The following LARS2 variants were observed in gnomAD, a reference collection of about 807,000 sequenced individuals.
The protein encoded by LARS2 is leucyl-tRNA synthetase 2, mitochondrial.
A neutral mutation model predicts 116.6 loss-of-function variants in LARS2; 81 were observed. The ratio of observed to expected loss-of-function variants is 0.69; its 90% CI spans 0.58 to 0.84. The LOEUF is 0.84. Ranked by LOEUF, LARS2 falls within the 40% of genes least tolerant of loss-of-function variation. The probability of loss-of-function intolerance (pLI) is 0.00; values close to 1 mark genes in which losing one functional copy is unlikely to be tolerated. For synonymous variants in LARS2, 396 were observed against 407.2 expected (o/e 0.97, Z 0.33); for missense variants, 968 against 1,114.5 (o/e 0.87, Z 1.87).
At chr3:45,454,603 A>G (rs748407645) in intron 7 of LARS2, among the ~76,000 whole-genome samples, 1 of 152,196 alleles carries the variant, frequency 6.6e-6, no homozygotes, top group African/African-American at 2.4e-5. Flanking sequence ...TTATTTTACA[A>G]ATAAGGCTAG....
rs111789943 is a variant in LARS2 at position 45,439,077 on chromosome 3, C to T, written c.517-7814C>T. On this transcript the variant is annotated intron_variant, in intron 6 of 21. Transcript: ENST00000645846. ...TCTAAGTGAGAAACTAGCCCTGTTC[C>T]CTACTTCCTCCTCCCTTGAAGCCCT... is the stretch of plus-strand genomic sequence containing the variant. 6.8e-3 allele frequency among the ~76,000 whole-genome samples: 1,032 copies of T among 152,198 alleles called. 2 individuals carry two copies. Among genetic ancestry groups the T allele is most frequent in the Non-Finnish European group, 0.012 (826 of 67,992 alleles).
chr3:45,529,885 G>T (rs1375585774), intron 20 of LARS2, among the ~76,000 whole-genome samples: 1 of 152,184 alleles, frequency 6.6e-6, no homozygotes. Context: ...GTGAGGATGG[G>T]TAACAGGGGC....
At chr3:45,465,387 A>C (rs1006600894) in intron 8 of LARS2, among the ~76,000 whole-genome samples, 1 of 152,188 alleles carries the variant, frequency 6.6e-6, no homozygotes, top group Non-Finnish European at 1.5e-5. Context: ...CCAGTGCCAC[A>C]GGGACCAGGT....
chr3:45,536,524 G>A (rs372216984), intron 20 of LARS2, among the ~76,000 whole-genome samples: 2 of 152,338 alleles, frequency 1.3e-5, no homozygotes, highest in African/African-American at 4.8e-5. Flanking sequence ...TACGTGGAAT[G>A]TGCCTGCAGG....
intron 6 of LARS2, among the ~76,000 whole-genome samples, chr3:45,425,457 G>C (rs1698578203): frequency 6.6e-6 from 1 of 152,210 alleles, no homozygotes; most frequent in Admixed American, 6.5e-5. Context: ...GTGGTTATCT[G>C]CAGAGCTGCG....
chr3:45,403,029 C>T (rs1204687156), intron 4 of LARS2, among the ~76,000 whole-genome samples: 1 of 143,282 alleles, frequency 7.0e-6, no homozygotes, highest in Admixed American at 7.3e-5. Context: ...TGCTTGAACC[C>T]GGGAGGCAGA....
intron 19 of LARS2, 37 bp from the exon 20 acceptor site, chr3:45,523,960 C>A: frequency 6.8e-7 from 1 of 1,466,404 alleles, no homozygotes; most frequent in South Asian, 1.1e-5. Context: ...CTTATTTTTA[C>A]ACCTCAGTCT....
intron 4 of LARS2, 118 bp downstream of exon 4, chr3:45,400,491 G>GTCCATCTTCA: frequency 1.1e-6 from 1 of 951,762 alleles, no homozygotes; most frequent in Non-Finnish European, 1.5e-6. Context: ...GGACAGCTTT[G>GTCCATCTTCA]AAGATGGACA....
At chr3:45,408,532 C>T (rs1485911045) in intron 4 of LARS2, among the ~76,000 whole-genome samples, 147 of 152,234 alleles carry the variant, frequency 9.7e-4, no homozygotes, top group Non-Finnish European at 1.3e-4. Context: ...CCAAGCTGGC[C>T]CCCTCCTGGT....
chr3:45,449,219 A>G (rs1379196650), intron 7 of LARS2, among the ~76,000 whole-genome samples: 3 of 147,360 alleles, frequency 2.0e-5, no homozygotes, highest in East Asian at 2.0e-4. Flanking sequence ...TTGGAGCGCA[A>G]TGGTGTGATC....
intron 6 of LARS2, among the ~76,000 whole-genome samples, chr3:45,441,101 C>G (rs1698901496): frequency 6.7e-6 from 1 of 149,584 alleles, no homozygotes. Context: ...TCTCGGCTCA[C>G]TGCAACCTCC....
chr3:45,538,049 C>G (rs1700735065), intron 20 of LARS2, among the ~76,000 whole-genome samples: 1 of 152,198 alleles, frequency 6.6e-6, no homozygotes, highest in African/African-American at 2.4e-5. Context: ...CTTGGCATTA[C>G]CACATAAAGG....
intron 11 of LARS2, among the ~76,000 whole-genome samples, chr3:45,488,200 G>A (rs1817489): frequency 0.51 from 78,173 of 152,084 alleles, 24,013 homozygotes; most frequent in East Asian, 0.78. Flanking sequence ...TTGGGAGGGT[G>A]AGGTGGGCGA....
chr3:45,542,294 G>A (rs893966930), intron 21 of LARS2, among the ~76,000 whole-genome samples: 3 of 152,106 alleles, frequency 2.0e-5, no homozygotes, highest in South Asian at 2.1e-4. Flanking sequence ...AATTTCACTC[G>A]TATGCTCCTG....
At chr3:45,437,428 C>T (rs775323579) in intron 6 of LARS2, among the ~76,000 whole-genome samples, 5 of 152,064 alleles carry the variant, frequency 3.3e-5, no homozygotes, top group Non-Finnish European at 7.4e-5. Flanking sequence ...AAAAAGAGAA[C>T]AGGAAAGATA....
At chr3:45,521,349 A>G (rs267223) in intron 19 of LARS2, among the ~76,000 whole-genome samples, 134,448 of 152,206 alleles carry the variant, frequency 0.88, 61,702 homozygotes, top group East Asian at 1. Flanking sequence ...GCATGGTGGC[A>G]TACAGCTGTA....
At chr3:45,398,767 A>ATT (rs1698093648) in intron 3 of LARS2, among the ~76,000 whole-genome samples, 1 of 152,186 alleles carries the variant, frequency 6.6e-6, no homozygotes, top group Non-Finnish European at 1.5e-5. Flanking sequence ...GCCAACGAAC[A>ATT]TTTATCCAAC....
At chr3:45,530,179 T>C (rs1700594137) in intron 20 of LARS2, among the ~76,000 whole-genome samples, 1 of 152,230 alleles carries the variant, frequency 6.6e-6, no homozygotes, top group South Asian at 2.1e-4. Flanking sequence ...TTGGAGTTTT[T>C]TGTTTGTTTG....
rs201420317 is a variant in LARS2 at position 45,540,766 on chromosome 3, A to G, written c.2405-1063A>G. ...TATCTGTCTATCTATCTATCTATCT[A>G]TCTATCTATCTATCTATCTATCTAT... On this transcript the variant is annotated intron_variant, in intron 20 of 21. Transcript: ENST00000645846. Among the ~76,000 whole-genome samples the G allele has an allele frequency of 5.7e-4, 86 of 151,298 alleles. 1 individual carries two copies. Among genetic ancestry groups the G allele is most frequent in the East Asian group, 1.6e-3 (8 of 5,158 alleles).
Sources: allele counts gnomAD v4.1 joint callset (sites outside exome capture counted in the v4.1 genomes callset), GRCh38; gene constraint gnomAD v4.1.1; transcripts MANE v1.5; gene names NCBI Gene and HGNC (gene_info 2026-07-23, HGNC 2026-07-21).